The following SUMF1 variants were observed in gnomAD, a reference collection of about 807,000 sequenced individuals.
SUMF1 encodes the protein formylglycine-generating enzyme.
In SUMF1, 48 loss-of-function variants were observed where a neutral mutation model predicts 47.6. The observed-to-expected ratio is 1.01, with a 90% CI of 0.80 to 1.28. The LOEUF is 1.28. Ranked by LOEUF, SUMF1 falls within the 50% of genes most tolerant of loss-of-function variation. SUMF1 has a pLI of 0.00. For synonymous variants in SUMF1, 230 were observed against 192.1 expected, an observed-to-expected ratio of 1.20 and a Z score of -1.63; for missense variants, 571 against 485.4, an observed-to-expected ratio of 1.18 and a Z score of -1.66.
chr3:4,396,863 T>C (rs986471218), intron 7 of SUMF1, among the ~76,000 whole-genome samples: 2 of 152,232 alleles, frequency 1.3e-5, no homozygotes, highest in African/African-American at 4.8e-5. Context: ...ACATATGCTC[T>C]GTTTAAGAAG....
intron 8 of SUMF1, among the ~76,000 whole-genome samples, chr3:4,237,053 G>C (rs540056260): frequency 6.6e-6 from 1 of 152,028 alleles, no homozygotes; most frequent in South Asian, 2.1e-4. Flanking sequence ...TTTCCTCCAT[G>C]TCTTTTCATA....
At chr3:4,380,515 C>A (rs953555448) in intron 7 of SUMF1, among the ~76,000 whole-genome samples, 1 of 152,112 alleles carries the variant, frequency 6.6e-6, no homozygotes, top group South Asian at 2.1e-4. Flanking sequence ...CTACACCAAA[C>A]CCCCACGGCC....
intron 8 of SUMF1, among the ~76,000 whole-genome samples, chr3:4,183,654 AC>A (rs1199978707): frequency 2.0e-5 from 3 of 152,206 alleles, no homozygotes; most frequent in African/African-American, 7.2e-5. Flanking sequence ...GATGTTAAAG[AC>A]AAAAATGATT....
chr3:4,346,573 G>T (rs1009638463), intron 8 of SUMF1, among the ~76,000 whole-genome samples: 1 of 152,078 alleles, frequency 6.6e-6, no homozygotes, highest in African/African-American at 2.4e-5. Context: ...ACATCAGAAA[G>T]CTAGAAAGAT....
chr3:4,362,323 G>A, intron 8 of SUMF1, 69 bp from the exon 9 acceptor site: 1 of 1,290,310 alleles, frequency 7.8e-7, no homozygotes, highest in Non-Finnish European at 1.1e-6. Context: ...CCCATCAGAT[G>A]CATATTGCAC....
intron 8 of SUMF1, among the ~76,000 whole-genome samples, chr3:4,081,472 T>C (rs1692558570): frequency 6.6e-6 from 1 of 152,186 alleles, no homozygotes; most frequent in African/African-American, 2.4e-5. Flanking sequence ...CTTTACATTA[T>C]ACACCTAACT....
chr3:4,150,204 T>A (rs1694285807), intron 8 of SUMF1, among the ~76,000 whole-genome samples: 1 of 151,848 alleles, frequency 6.6e-6, no homozygotes, highest in Non-Finnish European at 1.5e-5. Flanking sequence ...ACCAATTGTC[T>A]TGCCTCAGCC....
At chr3:4,330,104 T>G (rs974828833) in intron 8 of SUMF1, among the ~76,000 whole-genome samples, 2 of 152,172 alleles carry the variant, frequency 1.3e-5, no homozygotes, top group East Asian at 1.9e-4. Flanking sequence ...AGCCTGGACT[T>G]TATTGTTCAT....
At position 4,111,967 on chromosome 3, in the gene SUMF1, ATGG is replaced by A. The variant is rs1041526201; in HGVS notation, c.1015-43225_1015-43223del. ...GTCACAAAGTGGTGTAGATATTAGG[ATGG>A]CAATTATAGAAAATATGAATGTGTA... On this transcript the variant is annotated intron_variant and NMD_transcript_variant, in intron 8 of 12. Transcript: ENST00000448413. Among the ~76,000 whole-genome samples the A allele has an allele frequency of 4.6e-5, 7 of 151,088 alleles. No homozygotes were observed. The South Asian group carries it at 1.3e-3, about 27-fold the overall frequency.
intron 8 of SUMF1, among the ~76,000 whole-genome samples, chr3:4,148,119 C>G (rs1175341924): frequency 1.3e-5 from 2 of 152,154 alleles, no homozygotes; most frequent in African/African-American, 4.8e-5. Flanking sequence ...CTACCCACTC[C>G]TTTGAACAAA....
chr3:4,312,335 C>G (rs1367841065), intron 8 of SUMF1, among the ~76,000 whole-genome samples: 1 of 152,048 alleles, frequency 6.6e-6, no homozygotes, highest in African/African-American at 2.4e-5. Context: ...ACTGAGTTTT[C>G]TGACATCCAA....
chr3:4,091,233 T>C (rs1164654341), intron 8 of SUMF1, among the ~76,000 whole-genome samples: 1 of 152,172 alleles, frequency 6.6e-6, no homozygotes, highest in African/African-American at 2.4e-5. Context: ...CACTTAGTGT[T>C]GTAGCTTCTA....
chr3:4,058,871 T>C (rs1406864269), intron 9 of SUMF1, among the ~76,000 whole-genome samples: 1 of 152,154 alleles, frequency 6.6e-6, no homozygotes, highest in Non-Finnish European at 1.5e-5. Flanking sequence ...GCTTTTATAG[T>C]GCATTTAATT....
intron 8 of SUMF1, among the ~76,000 whole-genome samples, chr3:4,139,627 G>C (rs1207584548): frequency 6.6e-6 from 1 of 151,206 alleles, no homozygotes; most frequent in African/African-American, 2.4e-5. Flanking sequence ...AGAGCCAGTT[G>C]TTAATCATTT....
At chr3:4,347,028 G>A (rs1453372092) in intron 8 of SUMF1, among the ~76,000 whole-genome samples, 1 of 152,150 alleles carries the variant, frequency 6.6e-6, no homozygotes, top group African/African-American at 2.4e-5. Flanking sequence ...CTCTGAAATT[G>A]AGGCAGTAAT....
At chr3:4,158,736 CTTCT>C (rs1425511939) in intron 8 of SUMF1, among the ~76,000 whole-genome samples, 2 of 151,414 alleles carry the variant, frequency 1.3e-5, no homozygotes, top group Non-Finnish European at 2.9e-5. Flanking sequence ...ATATAAAGAT[CTTCT>C]TTGTCTCTTT....
At chr3:4,351,443 G>T (rs186569234) in intron 8 of SUMF1, among the ~76,000 whole-genome samples, 1 of 151,720 alleles carries the variant, frequency 6.6e-6, no homozygotes, top group African/African-American at 2.4e-5. Context: ...TTTTCAGACC[G>T]CTATTTCATG....
chr3:4,303,289 T>G, intron 8 of SUMF1: 2 of 1,384,918 alleles, frequency 1.4e-6, no homozygotes, highest in African/African-American at 3.1e-5. Flanking sequence ...CATGAGGCGG[T>G]GGGGCCACGG....
intron 8 of SUMF1, among the ~76,000 whole-genome samples, chr3:4,297,340 A>G (rs1475491107): frequency 6.6e-6 from 1 of 152,084 alleles, no homozygotes; most frequent in Admixed American, 6.6e-5. Context: ...TCATGCAACA[A>G]TCTTTTTTCA....
Sources: gnomAD v4.1 joint callset for allele counts (sites outside exome capture counted in the v4.1 genomes callset) on GRCh38, gnomAD v4.1.1 for gene constraint, MANE v1.5 for transcripts, NCBI Gene and HGNC (gene_info 2026-07-23, HGNC 2026-07-21) for gene names.